SLC66A1: variants seen among roughly 807,000 people sequenced by gnomAD.
SLC66A1 encodes the protein lysosomal amino acid transporter 1 homolog.
A neutral mutation model predicts 33.0 loss-of-function variants in SLC66A1; 23 were observed. The observed-to-expected ratio is 0.70, with a 90% CI of 0.50 to 0.99. SLC66A1 has a LOEUF of 0.99. Among genes scored for constraint, SLC66A1 ranks in the 50% least tolerant of loss-of-function variants. The probability of loss-of-function intolerance (pLI) is 0.00; values close to 1 mark genes in which losing one functional copy is unlikely to be tolerated. For missense variants in SLC66A1, 335 were observed against 383.6 expected (o/e 0.87, Z 1.06); for synonymous variants, 164 against 175.5 (o/e 0.93, Z 0.52).
At chr1:19,318,616 C>G (rs1415940602) in intron 2 of SLC66A1, among the ~76,000 whole-genome samples, 1 of 151,940 alleles carries the variant, frequency 6.6e-6, no homozygotes, top group Admixed American at 6.6e-5. Context: ...AGAGGGACAC[C>G]CACCTGATCT....
rs765698061 is a variant in SLC66A1 at position 19,326,560 on chromosome 1, C to T, written c.555C>T (p.Phe185=). 8.1e-6 allele frequency: 13 copies of T among 1,614,118 alleles called. No homozygotes were observed. The highest frequency in any genetic ancestry group is 1.6e-4 in the Middle Eastern group (1 of 6,084). The part of the protein sequence containing the change: ...KPFTRQEVIG[F]VIGSISSVLY... ...TCACCCGGCAGGAAGTCATTGGCTT[C>T]GTCATCGGCTCCATCTCCAGCGTGT... The change falls in exon 6 of 8, where the codon TTC becomes TTT. Residue 185 remains phenylalanine, a synonymous_variant. Transcript: ENST00000375153.
rs1221677886 is a variant in SLC66A1 at position 19,312,484 on chromosome 1, G to A, written c.-484G>A. On this transcript the variant is annotated 5_prime_UTR_variant, in exon 1 of 8. In the 5' UTR this introduces an upstream ATG that the reference lacks. Transcript: ENST00000375153. ...CTGTCCCGGCTCCTGCGCCCTCCTT[G>A]TGGCGCGATATCGTGGGACGAGGCT... is the stretch of plus-strand genomic sequence containing the variant. 1 of 163,298 alleles carries A rather than the reference G, an allele frequency of 6.1e-6. No homozygotes were observed. Among genetic ancestry groups the A allele is most frequent in the Non-Finnish European group, 1.3e-5 (1 of 75,350 alleles). The allele number at this position is 163,298 out of a possible 1,614,324, so 10.1% of individuals were successfully genotyped here.
At chr1:19,324,850 C>G (rs1005745057) in intron 3 of SLC66A1, 88 bp downstream of exon 3, 1 of 1,507,928 alleles carries the variant, frequency 6.6e-7, no homozygotes, top group Non-Finnish European at 8.9e-7. Context: ...CTCTTTGGCC[C>G]GCCTGGTCTC....
At chr1:19,327,666 C>A (rs541984554) in intron 7 of SLC66A1, 1 of 684,222 alleles carries the variant, frequency 1.5e-6, no homozygotes, top group Non-Finnish European at 2.7e-6. Flanking sequence ...TACAGCCCAG[C>A]GGGGCGCAGA....
chr1:19,328,656 T>G lies in SLC66A1; in HGVS notation c.*13T>G. 10 of 1,613,066 alleles carry G rather than the reference T, an allele frequency of 6.2e-6. No homozygotes were observed. The highest frequency in any genetic ancestry group is 7.6e-6 in the Non-Finnish European group (9 of 1,179,574). ...CCTCCCCAGCTGACCAGAACCAGGC[T>G]GAGCGCAGGAGGACAGGCACCACCG... On this transcript the variant is annotated 3_prime_UTR_variant, in exon 8 of 8. Transcript: ENST00000375153. The surrounding 1 kb of genome is among the most constrained non-coding windows in gnomAD (Gnocchi z 4.7).
downstream of SLC66A1, among the ~76,000 whole-genome samples, chr1:19,332,317 ACTGT>A (rs2093894860): frequency 6.6e-6 from 1 of 152,120 alleles, no homozygotes; most frequent in African/African-American, 2.4e-5. Flanking sequence ...GACCAACAAC[ACTGT>A]CTGCCTCAGA....
intron 2 of SLC66A1, among the ~76,000 whole-genome samples, chr1:19,321,286 C>T (rs1216237446): frequency 6.8e-6 from 1 of 146,112 alleles, no homozygotes; most frequent in East Asian, 2.0e-4. Context: ...AGCAGTCCTC[C>T]CACCTCAGCC....
intron 1 of SLC66A1, among the ~76,000 whole-genome samples, chr1:19,316,913 CTTTTTTTTTTT>C (rs759496425): frequency 1.4e-5 from 1 of 71,522 alleles, no homozygotes; most frequent in East Asian, 3.6e-4. Flanking sequence ...TCTGTCACCT[CTTTTTTTTTTT>C]TTTTTTTTTT....
rs939318385 is a variant in SLC66A1 at position 19,317,612 on chromosome 1, C to T, written c.-66C>T. 8 of 1,582,910 alleles carry T rather than the reference C, an allele frequency of 5.1e-6. No individual in the cohort carries two copies. The highest frequency in any genetic ancestry group is 6.9e-6 in the Non-Finnish European group (8 of 1,165,044). On this transcript the variant is annotated 5_prime_UTR_variant, in exon 2 of 8. Transcript: ENST00000375153. ...TTCCTCCCTGTAGAACCCTTGCTGG[C>T]CTCAGAACACCAGCGCCCTCCCTCC...
intron 2 of SLC66A1, among the ~76,000 whole-genome samples, chr1:19,320,658 G>A (rs368611137): frequency 3.8e-4 from 58 of 151,484 alleles, no homozygotes; most frequent in South Asian, 2.5e-3. Flanking sequence ...CTTGTGATCC[G>A]CCCGCCTTGG....
intron 4 of SLC66A1, 80 bp downstream of exon 4, chr1:19,325,662 G>A: frequency 8.2e-7 from 1 of 1,215,592 alleles, no homozygotes; most frequent in East Asian, 2.4e-5. Flanking sequence ...TGGAGTGTGG[G>A]AGGAAGCGGG....
chr1:19,326,770 C>T (rs1454008937), intron 6 of SLC66A1, 147 bp downstream of exon 6: 2 of 864,628 alleles, frequency 2.3e-6, no homozygotes, highest in Middle Eastern at 2.6e-4. Flanking sequence ...GCAAGTTAAT[C>T]CAATCTCCGA....
intron 5 of SLC66A1, 60 bp downstream of exon 5, chr1:19,326,447 C>G (rs913493500): frequency 6.2e-7 from 1 of 1,610,914 alleles, no homozygotes. Context: ...GGGCTCTCCC[C>G]TGCACAGCCT....
intron 2 of SLC66A1, among the ~76,000 whole-genome samples, chr1:19,318,958 GT>G (rs2093819723): frequency 6.6e-6 from 1 of 152,174 alleles, no homozygotes; most frequent in Non-Finnish European, 1.5e-5. Flanking sequence ...GGGCAGCTGC[GT>G]TTATATAGTG....
intron 1 of SLC66A1, among the ~76,000 whole-genome samples, chr1:19,316,186 T>A (rs1253422304): frequency 6.6e-6 from 1 of 151,964 alleles, no homozygotes; most frequent in East Asian, 1.9e-4. Context: ...GGTGGGGAGG[T>A]GGCTGTGGAC....
chr1:19,313,306 CTCTT>C (rs1413274313), intron 1 of SLC66A1: 4 of 916,532 alleles, frequency 4.4e-6, no homozygotes, highest in Non-Finnish European at 5.2e-6. Context: ...CCTCTTCTCT[CTCTT>C]CCACCCTTTC....
At position 19,317,752 on chromosome 1, in the gene SLC66A1, G is replaced by A. The variant is rs2093813413; in HGVS notation, c.75G>A (p.Val25=). ...GCTCCATCCAGTGGATATGGGATGT[G>A]TTGGGTGAATGTGCCCAGGACGGCT... The part of the protein sequence containing the change: ...PSGSIQWIWD[V]LGECAQDGWD... The change falls in exon 2 of 8, where the codon GTG becomes GTA. Residue 25 remains valine, a synonymous_variant. Transcript: ENST00000375153. 6.2e-7 allele frequency: 1 copy of A among 1,614,234 alleles called. No individual in the cohort carries two copies. The highest frequency in any genetic ancestry group is 1.1e-5 in the South Asian group (1 of 91,088).
At chr1:19,332,977 C>T (rs12060103), downstream of SLC66A1, among the ~76,000 whole-genome samples, 2,958 of 152,318 alleles carry the variant, frequency 0.019, 106 homozygotes, top group African/African-American at 0.068. Flanking sequence ...ACCTGTTGAA[C>T]GAGACACTGT....
intron 1 of SLC66A1, among the ~76,000 whole-genome samples, chr1:19,317,231 A>G (rs936361251): frequency 1.3e-5 from 2 of 152,180 alleles, no homozygotes; most frequent in Non-Finnish European, 2.9e-5. Context: ...CACTGAACCC[A>G]CACAACAGCT....
Sources: allele counts gnomAD v4.1 joint callset (sites outside exome capture counted in the v4.1 genomes callset), GRCh38; gene constraint gnomAD v4.1.1; non-coding constraint Gnocchi (gnomAD v3.1); transcripts MANE v1.5; gene names NCBI Gene and HGNC (gene_info 2026-07-23, HGNC 2026-07-21).